Variants in TBC1D19 observed in about 807,000 individuals in gnomAD.
The protein encoded by TBC1D19 is TBC1 domain family member 19.
A neutral mutation model predicts 89.0 loss-of-function variants in TBC1D19; 60 were observed. The ratio of observed to expected loss-of-function variants is 0.67; its 90% CI spans 0.55 to 0.84. The LOEUF (loss-of-function observed/expected upper bound fraction) is 0.84. Among genes scored for constraint, TBC1D19 ranks in the 40% least tolerant of loss-of-function variants. The pLI is 0.00. For synonymous variants in TBC1D19, 189 were observed against 199.7 expected, an observed-to-expected ratio of 0.95 and a Z score of 0.45; for missense variants, 500 against 610.8, an observed-to-expected ratio of 0.82 and a Z score of 1.91.
intron 15 of TBC1D19, among the ~76,000 whole-genome samples, chr4:26,726,516 A>C (rs1053968636): frequency 2.6e-5 from 4 of 152,200 alleles, no homozygotes; most frequent in African/African-American, 9.6e-5. Context: ...TTATGTTCCT[A>C]TGTTTTGTGA....
chr4:26,736,695 A>C (rs1718070368), intron 16 of TBC1D19, among the ~76,000 whole-genome samples: 1 of 152,126 alleles, frequency 6.6e-6, no homozygotes, highest in Non-Finnish European at 1.5e-5. Flanking sequence ...GTTTTTTGAA[A>C]ATAATAGGTC....
At chr4:26,666,654 T>A (rs888946947) in intron 9 of TBC1D19, among the ~76,000 whole-genome samples, 1 of 152,036 alleles carries the variant, frequency 6.6e-6, no homozygotes, top group Non-Finnish European at 1.5e-5. Context: ...CATATATAAG[T>A]CATTTTTGTT....
chr4:26,782,134 C>T, the TBC1D19 span, among the ~76,000 whole-genome samples: 2 of 152,176 alleles, frequency 1.3e-5, no homozygotes, highest in African/African-American at 2.4e-5. Flanking sequence ...TCACACTCTA[C>T]TGTTTTTATC....
downstream of TBC1D19, among the ~76,000 whole-genome samples, chr4:26,760,744 A>AT (rs912429763): frequency 5.3e-5 from 8 of 152,006 alleles, no homozygotes; most frequent in African/African-American, 1.9e-4. Flanking sequence ...CAATTTATCT[A>AT]TTTTTTCTTT....
chr4:26,636,243 C>T (rs1743113394), intron 4 of TBC1D19, among the ~76,000 whole-genome samples: 1 of 151,774 alleles, frequency 6.6e-6, no homozygotes, highest in Non-Finnish European at 1.5e-5. Flanking sequence ...TCTGTAGGCA[C>T]ATTTAGTAAA....
intron 4 of TBC1D19, among the ~76,000 whole-genome samples, chr4:26,624,791 A>G (rs1422668665): frequency 6.6e-6 from 1 of 152,122 alleles, no homozygotes; most frequent in Non-Finnish European, 1.5e-5. Flanking sequence ...TTCTGCCTTC[A>G]AGTAATTGCA....
At chr4:26,642,659 A>T (rs1743627273) in intron 7 of TBC1D19, among the ~76,000 whole-genome samples, 1 of 152,228 alleles carries the variant, frequency 6.6e-6, no homozygotes, top group Non-Finnish European at 1.5e-5. Flanking sequence ...GTCAAGACCT[A>T]TCAGTGTGCT....
chr4:26,708,694 T>C (rs188910396), intron 13 of TBC1D19, among the ~76,000 whole-genome samples: 3 of 152,164 alleles, frequency 2.0e-5, no homozygotes, highest in Admixed American at 2.0e-4. Flanking sequence ...CTCAATTATT[T>C]CCATTTCCCT....
At chr4:26,840,984 A>G in the TBC1D19 span, among the ~76,000 whole-genome samples, 1 of 151,300 alleles carries the variant, frequency 6.6e-6, no homozygotes, top group Non-Finnish European at 1.5e-5. Flanking sequence ...ATTATCCTCC[A>G]CCCTGGCAGG....
chr4:26,752,648 A>G (rs752695709), intron 19 of TBC1D19, among the ~76,000 whole-genome samples: 9 of 152,184 alleles, frequency 5.9e-5, no homozygotes, highest in Non-Finnish European at 8.8e-5. Flanking sequence ...ATAAGTCAAG[A>G]GTTAGCTCCA....
the TBC1D19 span, among the ~76,000 whole-genome samples, chr4:26,836,095 C>G: frequency 6.6e-6 from 1 of 152,082 alleles, no homozygotes; most frequent in African/African-American, 2.4e-5. Flanking sequence ...CTTTGGCTTC[C>G]TCTGGAAGCA....
intron 19 of TBC1D19, among the ~76,000 whole-genome samples, chr4:26,753,467 CAAAAAA>C (rs1051054956): frequency 7.9e-5 from 12 of 151,788 alleles, no homozygotes; most frequent in African/African-American, 2.9e-4. Flanking sequence ...CCATCTCTAC[CAAAAAA>C]CAAAAACAAA....
intron 17 of TBC1D19, among the ~76,000 whole-genome samples, chr4:26,742,035 A>G (rs1440543387): frequency 6.6e-6 from 1 of 152,212 alleles, no homozygotes; most frequent in East Asian, 1.9e-4. Context: ...TGAGAAAAGC[A>G]GGCAGTATTT....
chr4:26,775,475 T>A, the TBC1D19 span, among the ~76,000 whole-genome samples: 1 of 151,904 alleles, frequency 6.6e-6, no homozygotes, highest in African/African-American at 2.4e-5. Context: ...ACAAAGAAAT[T>A]TAATTGCCAA....
chr4:26,813,480 A>T, the TBC1D19 span, among the ~76,000 whole-genome samples: 1 of 152,232 alleles, frequency 6.6e-6, no homozygotes, highest in Non-Finnish European at 1.5e-5. Context: ...CTTACAGTAC[A>T]TAAATGCGAA....
chr4:26,701,492 T>C (rs754817211), intron 13 of TBC1D19, among the ~76,000 whole-genome samples: 6 of 152,188 alleles, frequency 3.9e-5, no homozygotes, highest in Non-Finnish European at 8.8e-5. Context: ...ATGCCTAGTA[T>C]ACTGTAGATA....
At chr4:26,703,813 T>C (rs1374498144) in intron 13 of TBC1D19, among the ~76,000 whole-genome samples, 1 of 151,148 alleles carries the variant, frequency 6.6e-6, no homozygotes, top group East Asian at 1.9e-4. Context: ...AAAAAAAAAT[T>C]AGCTGGGCGT....
At chr4:26,640,871 T>G (rs1291808388) in intron 7 of TBC1D19, among the ~76,000 whole-genome samples, 3 of 152,238 alleles carry the variant, frequency 2.0e-5, no homozygotes, top group Non-Finnish European at 4.4e-5. Context: ...TAGTTGAGGC[T>G]TGAGTAGGTA....
intron 1 of TBC1D19, among the ~76,000 whole-genome samples, chr4:26,596,617 G>T (rs1283040125): frequency 1.7e-4 from 23 of 136,480 alleles, no homozygotes; most frequent in South Asian, 2.3e-4. Flanking sequence ...CTTTCCTCCT[G>T]TTTTTTTTTT....
Sources: allele counts gnomAD v4.1 joint callset (sites outside exome capture counted in the v4.1 genomes callset), GRCh38; gene constraint gnomAD v4.1.1; transcripts MANE v1.5; gene names NCBI Gene and HGNC (gene_info 2026-07-23, HGNC 2026-07-21).